Variants in SCAPER observed in about 807,000 individuals in gnomAD.
SCAPER encodes S-phase cyclin A associated protein in the ER.
SCAPER carries 98 observed loss-of-function variants against 182.2 expected under a neutral mutation model. The ratio of observed to expected loss-of-function variants is 0.54; its 90% CI spans 0.46 to 0.64. The LOEUF is 0.64. Among genes scored for constraint, SCAPER ranks in the 30% least tolerant of loss-of-function variants. The probability of loss-of-function intolerance (pLI) is 0.00; values close to 1 mark genes in which losing one functional copy is unlikely to be tolerated. For missense variants in SCAPER, 1,432 were observed against 1,690.0 expected (o/e 0.85, Z 2.68); for synonymous variants, 605 against 564.6 (o/e 1.07, Z -1.01).
intron 1 of SCAPER, among the ~76,000 whole-genome samples, chr15:76,890,309 A>T (rs1282122624): frequency 6.6e-6 from 1 of 152,220 alleles, no homozygotes; most frequent in Non-Finnish European, 1.5e-5. Flanking sequence ...GCAAGAAATA[A>T]CTAAGATCAG....
intron 24 of SCAPER, among the ~76,000 whole-genome samples, chr15:76,497,433 A>G (rs1336856849): frequency 6.6e-6 from 1 of 152,150 alleles, no homozygotes; most frequent in Non-Finnish European, 1.5e-5. Context: ...TGGATGGCAT[A>G]AAACATAGCT....
At chr15:76,842,685 A>G (rs947094425) in intron 4 of SCAPER, among the ~76,000 whole-genome samples, 3 of 152,230 alleles carry the variant, frequency 2.0e-5, no homozygotes, top group African/African-American at 7.2e-5. Context: ...TATATTATAA[A>G]TCAACTTAAC....
At chr15:76,820,480 A>G (rs1451777892) in intron 5 of SCAPER, among the ~76,000 whole-genome samples, 2 of 152,000 alleles carry the variant, frequency 1.3e-5, no homozygotes, top group Non-Finnish European at 2.9e-5. Flanking sequence ...TCAGCAAACT[A>G]TCGCAAGGAC....
intron 23 of SCAPER, among the ~76,000 whole-genome samples, chr15:76,517,046 C>T (rs1186929832): frequency 6.6e-6 from 1 of 152,068 alleles, no homozygotes; most frequent in African/African-American, 2.4e-5. Flanking sequence ...GGTAGCAGAG[C>T]TGGGGACTGA....
chr15:76,705,090 T>G (rs1320476168), intron 18 of SCAPER, among the ~76,000 whole-genome samples: 1 of 152,082 alleles, frequency 6.6e-6, no homozygotes, highest in Non-Finnish European at 1.5e-5. Context: ...TAAAGACACA[T>G]GCACACATAT....
chr15:76,740,791 T>C (rs558126819), intron 15 of SCAPER, among the ~76,000 whole-genome samples: 6 of 152,160 alleles, frequency 3.9e-5, no homozygotes, highest in African/African-American at 7.2e-5. Context: ...GATTTACATA[T>C]ATAAGGAAAA....
chr15:76,453,904 T>C (rs1226406351), intron 25 of SCAPER, among the ~76,000 whole-genome samples: 4 of 152,182 alleles, frequency 2.6e-5, no homozygotes, highest in Non-Finnish European at 5.9e-5. Context: ...AACTGACAGA[T>C]CAGTTATCAT....
chr15:76,558,368 T>G (rs2046343803), intron 23 of SCAPER, among the ~76,000 whole-genome samples: 1 of 152,098 alleles, frequency 6.6e-6, no homozygotes, highest in South Asian at 2.1e-4. Flanking sequence ...AACATATATG[T>G]GGACAACAAG....
At chr15:76,532,250 T>C (rs56351018) in intron 23 of SCAPER, among the ~76,000 whole-genome samples, 60,401 of 151,982 alleles carry the variant, frequency 0.4, 14,204 homozygotes, top group Middle Eastern at 0.55. Flanking sequence ...TCCCTCATCA[T>C]AGAGATGACT....
chr15:76,402,293 C>T (rs779750354), intron 27 of SCAPER, among the ~76,000 whole-genome samples: 1 of 152,126 alleles, frequency 6.6e-6, no homozygotes. Context: ...AATTTATTAA[C>T]GCCACTACTG....
chr15:76,894,779 A>C (rs957800930), intron 1 of SCAPER, among the ~76,000 whole-genome samples: 3 of 152,184 alleles, frequency 2.0e-5, no homozygotes, highest in African/African-American at 7.2e-5. Flanking sequence ...CAAATTGAAT[A>C]ACTTACAGAA....
chr15:76,779,159 G>T (rs2063933469), intron 8 of SCAPER, among the ~76,000 whole-genome samples: 1 of 151,896 alleles, frequency 6.6e-6, no homozygotes, highest in Non-Finnish European at 1.5e-5. Flanking sequence ...ATCAGCAAAT[G>T]TATTAATATA....
chr15:76,371,057 A>C (rs2042135581), intron 29 of SCAPER, among the ~76,000 whole-genome samples: 1 of 152,212 alleles, frequency 6.6e-6, no homozygotes, highest in Admixed American at 6.5e-5. Context: ...AGATGAAATG[A>C]AAAGTACACT....
intron 10 of SCAPER, among the ~76,000 whole-genome samples, chr15:76,771,380 T>G (rs1455816210): frequency 6.6e-6 from 1 of 152,072 alleles, no homozygotes; most frequent in Non-Finnish European, 1.5e-5. Flanking sequence ...AAGAAAGTTT[T>G]TAAAACTAAG....
chr15:76,661,237 T>G (rs543461336), intron 21 of SCAPER, among the ~76,000 whole-genome samples: 1 of 151,672 alleles, frequency 6.6e-6, no homozygotes, highest in African/African-American at 2.4e-5. Context: ...TAGAAGAAAA[T>G]AGAGGCAGTA....
chr15:76,639,669 A>G (rs995957901), intron 21 of SCAPER, among the ~76,000 whole-genome samples: 1 of 151,828 alleles, frequency 6.6e-6, no homozygotes, highest in African/African-American at 2.4e-5. Context: ...GAGGACTTAC[A>G]CCCCGCCCCG....
chr15:76,389,549 C>G (rs1392366688), intron 27 of SCAPER, among the ~76,000 whole-genome samples: 1 of 140,740 alleles, frequency 7.1e-6, no homozygotes, highest in African/African-American at 2.7e-5. Flanking sequence ...CGCGGTGGCT[C>G]ACACCTGTAA....
chr15:76,722,618 C>G (rs1024889549), intron 17 of SCAPER, among the ~76,000 whole-genome samples: 5 of 152,156 alleles, frequency 3.3e-5, no homozygotes, highest in African/African-American at 1.2e-4. Context: ...TGTTATTGGT[C>G]TATTCAGAGA....
chr15:76,510,888 T>TGTGTGCGCGC (rs1491205462), intron 23 of SCAPER, among the ~76,000 whole-genome samples: 7 of 141,090 alleles, frequency 5.0e-5, no homozygotes, highest in African/African-American at 1.8e-4. Flanking sequence ...TGTGTGTGTG[T>TGTGTGCGCGC]GCGCGCGCGC....
Sources: allele counts gnomAD v4.1 joint callset (sites outside exome capture counted in the v4.1 genomes callset), GRCh38; gene constraint gnomAD v4.1.1; transcripts MANE v1.5; gene names NCBI Gene and HGNC (gene_info 2026-07-23, HGNC 2026-07-21).